Variants in SMG6 observed in about 807,000 individuals in gnomAD.
SMG6 encodes telomerase-binding protein EST1A.
SMG6 carries 66 observed loss-of-function variants against 142.2 expected under a neutral mutation model. The observed-to-expected ratio is 0.46, with a 90% CI of 0.38 to 0.57. The LOEUF (loss-of-function observed/expected upper bound fraction) is 0.57, where lower values mean the gene tolerates loss of function less well. Among genes scored for constraint, SMG6 ranks in the 20% least tolerant of loss-of-function variants. The probability of loss-of-function intolerance (pLI) is 0.00; values close to 1 mark genes in which losing one functional copy is unlikely to be tolerated. For missense variants in SMG6, 1,793 were observed against 1,832.0 expected (o/e 0.98, Z 0.39); for synonymous variants, 779 against 702.4 (o/e 1.11, Z -1.72).
chr17:2,063,340 A>G (rs1238968324), intron 18 of SMG6: 1 of 152,280 alleles, frequency 6.6e-6, no homozygotes, highest in East Asian at 1.9e-4. Flanking sequence ...TCGTTTACAC[A>G]TAAACATTTA....
At chr17:2,303,495 C>T in intron 1 of SMG6, 138 bp downstream of exon 1, 1 of 1,327,854 alleles carries the variant, frequency 7.5e-7, no homozygotes, top group Non-Finnish European at 9.6e-7. Flanking sequence ...AGCGAGGGTC[C>T]GCCGCGGCCC....
chr17:2,124,915 G>A (rs1288556835), intron 13 of SMG6, among the ~76,000 whole-genome samples: 5 of 152,176 alleles, frequency 3.3e-5, no homozygotes, highest in Non-Finnish European at 7.3e-5. Flanking sequence ...GGCACCGAAA[G>A]GCATTTTTTG....
At chr17:2,183,495 C>T (rs926433929) in intron 12 of SMG6, among the ~76,000 whole-genome samples, 4 of 152,068 alleles carry the variant, frequency 2.6e-5, no homozygotes, top group South Asian at 4.1e-4. Flanking sequence ...TATTCCAGGC[C>T]GTGTGAACCA....
At chr17:2,177,175 G>C (rs902907602) in intron 12 of SMG6, among the ~76,000 whole-genome samples, 1 of 152,160 alleles carries the variant, frequency 6.6e-6, no homozygotes, top group African/African-American at 2.4e-5. Context: ...TCTCAGAGGG[G>C]CCATGGGTTT....
intron 8 of SMG6, among the ~76,000 whole-genome samples, chr17:2,278,668 T>C (rs1233566246): frequency 1.3e-5 from 2 of 152,302 alleles, no homozygotes; most frequent in African/African-American, 4.8e-5. Context: ...CTGCTTAAAA[T>C]CCTTAGTACC....
chr17:2,172,340 G>A (rs2071530446), intron 13 of SMG6, among the ~76,000 whole-genome samples: 1 of 152,200 alleles, frequency 6.6e-6, no homozygotes, highest in Middle Eastern at 3.4e-3. Context: ...AAAGGAGGGT[G>A]CTTTAAGCAT....
At chr17:2,258,074 T>TAC (rs1555567116) in intron 8 of SMG6, among the ~76,000 whole-genome samples, 1 of 141,716 alleles carries the variant, frequency 7.1e-6, no homozygotes, top group African/African-American at 2.7e-5. Context: ...CACATATATA[T>TAC]ACATATATAG....
In SMG6 at chr17:2,088,175, G is replaced by A. The variant is rs1278757860; in HGVS notation, c.3358-2274C>T. 4.1e-6 allele frequency: 4 copies of A among 985,450 alleles called. No individual in the cohort carries two copies. The East Asian group carries it at 3.4e-4, about 84-fold the overall frequency. 61.0% of individuals were successfully genotyped at this position (985,450 alleles called of 1,614,324 possible). On this transcript the variant is annotated intron_variant, in intron 13 of 18. Coordinates refer to ENST00000263073, the MANE Select transcript of SMG6 (RefSeq NM_017575.5). ...GGAGTGTGCCACGGACACATGCACAGACAGGCGGGCAGGAGTGTTGCTGCT... is the reference window on the plus strand; with the variant it reads ...GGAGTGTGCCACGGACACATGCACAAACAGGCGGGCAGGAGTGTTGCTGCT...
chr17:2,091,469 A>C (rs370065028), intron 13 of SMG6, among the ~76,000 whole-genome samples: 8 of 152,168 alleles, frequency 5.3e-5, no homozygotes, highest in East Asian at 1.9e-4. Context: ...AGGGAAAGAA[A>C]GAACCTGTGC....
chr17:2,232,430 T>C (rs2073523753), intron 10 of SMG6, among the ~76,000 whole-genome samples: 2 of 152,106 alleles, frequency 1.3e-5, no homozygotes, highest in East Asian at 3.9e-4. Flanking sequence ...ACCACCTATC[T>C]CACCACCAGC....
chr17:2,146,827 A>G (rs1168648435), intron 13 of SMG6, among the ~76,000 whole-genome samples: 2 of 152,122 alleles, frequency 1.3e-5, no homozygotes, highest in East Asian at 1.9e-4. Flanking sequence ...CAGCCTCCCA[A>G]AAAGCTGGGA....
intron 13 of SMG6, among the ~76,000 whole-genome samples, chr17:2,103,446 G>A (rs1208386834): frequency 6.6e-6 from 1 of 152,190 alleles, no homozygotes; most frequent in Non-Finnish European, 1.5e-5. Flanking sequence ...TTAGCACAGA[G>A]CTCCCCTCTG....
At chr17:2,255,485 C>G (rs1231721469) in intron 8 of SMG6, among the ~76,000 whole-genome samples, 1 of 149,252 alleles carries the variant, frequency 6.7e-6, no homozygotes, top group Non-Finnish European at 1.5e-5. Flanking sequence ...GTGACATGAG[C>G]AAACCTGTAT....
chr17:2,070,814 C>T (rs893840369), intron 15 of SMG6, among the ~76,000 whole-genome samples: 1 of 152,110 alleles, frequency 6.6e-6, no homozygotes, highest in Non-Finnish European at 1.5e-5. Context: ...CCATGGGAGG[C>T]GGGGTCACTG....
chr17:2,146,622 C>A (rs189121279), intron 13 of SMG6, among the ~76,000 whole-genome samples: 105 of 152,310 alleles, frequency 6.9e-4, no homozygotes, highest in African/African-American at 2.4e-3. Flanking sequence ...CTCACTGCAA[C>A]CTCCACCTCC....
chr17:2,165,810 G>A (rs1457791860), intron 13 of SMG6, among the ~76,000 whole-genome samples: 3 of 152,030 alleles, frequency 2.0e-5, no homozygotes, highest in Admixed American at 6.6e-5. Flanking sequence ...GAGGCTGAGG[G>A]GGGAGGATCG....
intron 13 of SMG6, among the ~76,000 whole-genome samples, chr17:2,090,209 A>G (rs1043862070): frequency 4.1e-5 from 6 of 146,136 alleles, no homozygotes; most frequent in Non-Finnish European, 9.0e-5. Flanking sequence ...AAAAGGAAAG[A>G]AGAAAAAATG....
intron 8 of SMG6, chr17:2,280,645 G>A: frequency 1.1e-6 from 1 of 949,938 alleles, no homozygotes; most frequent in Non-Finnish European, 1.3e-6. Context: ...AAAATTAAGG[G>A]TAATAGTTAC....
At chr17:2,107,898 T>C (rs531531507) in intron 13 of SMG6, among the ~76,000 whole-genome samples, 1 of 152,242 alleles carries the variant, frequency 6.6e-6, no homozygotes, top group East Asian at 1.9e-4. Context: ...ATTTCCAAAA[T>C]GGTATTTTGT....
Sources: gnomAD v4.1 joint callset for allele counts (sites outside exome capture counted in the v4.1 genomes callset) on GRCh38, gnomAD v4.1.1 for gene constraint, MANE v1.5 for transcripts, NCBI Gene and HGNC (gene_info 2026-07-23, HGNC 2026-07-21) for gene names.